Variants in ZHX3 observed in about 807,000 individuals in gnomAD.
ZHX3 encodes zinc fingers and homeoboxes 3, also known as zinc fingers and homeoboxes protein 3.
In ZHX3, 20 loss-of-function variants were observed where a neutral mutation model predicts 64.5. The ratio of observed to expected loss-of-function variants is 0.31; its 90% CI spans 0.22 to 0.45. The LOEUF is 0.45. Ranked by LOEUF, ZHX3 falls within the 20% of genes least tolerant of loss-of-function variation. The probability of loss-of-function intolerance (pLI) is 1.00; values close to 1 mark genes in which losing one functional copy is unlikely to be tolerated. For synonymous variants in ZHX3, 423 were observed against 461.6 expected (o/e 0.92, Z 1.07); for missense variants, 1,041 against 1,195.8 (o/e 0.87, Z 1.91).
intron 2 of ZHX3, among the ~76,000 whole-genome samples, chr20:41,235,843 A>T (rs530213660): frequency 3.2e-4 from 48 of 152,342 alleles, no homozygotes; most frequent in African/African-American, 1.1e-3. Context: ...CCCTGTTTGC[A>T]GATGACATGA....
At chr20:41,287,564 C>T (rs1362937955) in intron 1 of ZHX3, among the ~76,000 whole-genome samples, 3 of 152,182 alleles carry the variant, frequency 2.0e-5, no homozygotes, top group Non-Finnish European at 4.4e-5. Flanking sequence ...GACTTCCATC[C>T]TGGGTTCTGT....
In ZHX3 at chr20:41,184,236, C is replaced by T. The variant is rs1455845005; in HGVS notation, c.*955G>A. 2.0e-5 allele frequency: 3 copies of T among 152,236 alleles called. No individual in the cohort carries two copies. Among genetic ancestry groups the T allele is most frequent in the Non-Finnish European group, 4.4e-5 (3 of 68,120 alleles). 9.4% of individuals were successfully genotyped at this position (152,236 alleles called of 1,614,324 possible). A position where few individuals can be genotyped will look rare whatever the true frequency, so the allele number is the denominator to read the frequency against. ...AGTGTGGAGAAAGGGCTCTGAAAAC[C>T]GCAGTGGTCAAAGCTTCAGGCTGTG... On this transcript the variant is annotated 3_prime_UTR_variant, in exon 4 of 4. Transcript: ENST00000683867.
intron 2 of ZHX3, among the ~76,000 whole-genome samples, chr20:41,208,446 A>C (rs1238381984): frequency 6.6e-6 from 1 of 152,232 alleles, no homozygotes; most frequent in Non-Finnish European, 1.5e-5. Context: ...TCCTCAATAA[A>C]ATACTGGCAA....
intron 2 of ZHX3, among the ~76,000 whole-genome samples, chr20:41,263,308 G>C (rs1210069693): frequency 1.3e-5 from 2 of 151,828 alleles, no homozygotes; most frequent in African/African-American, 4.8e-5. Flanking sequence ...ATAGAGAGCA[G>C]TATTGCTTTC....
intron 1 of ZHX3, among the ~76,000 whole-genome samples, chr20:41,277,931 A>G (rs1211745295): frequency 1.5e-5 from 2 of 135,266 alleles, no homozygotes; most frequent in African/African-American, 5.8e-5. Context: ...TAAATGCAGA[A>G]AGTATAGTGT....
intron 1 of ZHX3, among the ~76,000 whole-genome samples, chr20:41,304,350 G>A (rs1440816337): frequency 6.6e-6 from 1 of 152,022 alleles, no homozygotes; most frequent in East Asian, 1.9e-4. Flanking sequence ...CCACAGTCCA[G>A]ACCACTCATG....
At chr20:41,250,797 A>C (rs2041954132) in intron 2 of ZHX3, among the ~76,000 whole-genome samples, 1 of 152,188 alleles carries the variant, frequency 6.6e-6, no homozygotes, top group African/African-American at 2.4e-5. Context: ...AAGCAGAGAA[A>C]AACAACATAC....
At chr20:41,262,860 GA>G in intron 2 of ZHX3, among the ~76,000 whole-genome samples, 1 of 152,286 alleles carries the variant, frequency 6.6e-6, no homozygotes, top group South Asian at 2.1e-4. Context: ...TAAGGAATAG[GA>G]AGAGAAGATG....
In ZHX3 at chr20:41,232,717, G is replaced by A. The variant is rs1174651456; in HGVS notation, c.-150-27651C>T. On this transcript the variant is annotated intron_variant, in intron 2 of 3. Coordinates refer to ENST00000683867, the MANE Select transcript of ZHX3 (RefSeq NM_001384317.1). This position sits in a 1 kb window ranked among gnomAD's most constrained non-coding sequence, Gnocchi z 5.0. Reference sequence around the variant, plus strand: ...CCATTCTCCTGCCTCAGCCTCCCGCGGGGGACTACAGGCGCCCACCACCTC... The same window carrying A: ...CCATTCTCCTGCCTCAGCCTCCCGCAGGGGACTACAGGCGCCCACCACCTC... 1.3e-5 allele frequency among the ~76,000 whole-genome samples: 2 copies of A among 151,890 alleles called. No individual in the cohort carries two copies. The highest frequency in any genetic ancestry group is 1.5e-5 in the Non-Finnish European group (1 of 67,968).
intron 1 of ZHX3, among the ~76,000 whole-genome samples, chr20:41,277,938 G>C (rs114758891): frequency 1.5e-5 from 2 of 130,766 alleles, no homozygotes; most frequent in African/African-American, 6.3e-5. Flanking sequence ...AGAAAGTATA[G>C]TGTAGGGGAT....
At chr20:41,238,710 A>T (rs1034279055) in intron 2 of ZHX3, 2 of 152,212 alleles carry the variant, frequency 1.3e-5, no homozygotes, top group Non-Finnish European at 2.9e-5. Flanking sequence ...TGCTCACATA[A>T]ATAATCCATT....
Position 41,212,740 on chromosome 20 carries a change from T to G in ZHX3, c.-150-7674A>C, listed in dbSNP as rs2039252378. 6.6e-6 allele frequency among the ~76,000 whole-genome samples: 1 copy of G among 151,150 alleles called. No individual in the cohort carries two copies. Among genetic ancestry groups the G allele is most frequent in the South Asian group, 2.1e-4 (1 of 4,792 alleles). On this transcript the variant is annotated intron_variant, in intron 2 of 3. Coordinates refer to ENST00000683867, the MANE Select transcript of ZHX3 (RefSeq NM_001384317.1). The surrounding 1 kb of genome is among the most constrained non-coding windows in gnomAD (Gnocchi z 4.3). Reference sequence around the variant, plus strand: ...TGAACCTGGGAGGCGGAGGTTGCAGTGAGCCAAGATCATGCCATTGTACTC... The same window carrying G: ...TGAACCTGGGAGGCGGAGGTTGCAGGGAGCCAAGATCATGCCATTGTACTC...
At chr20:41,249,073 T>C (rs762396265) in intron 2 of ZHX3, among the ~76,000 whole-genome samples, 3 of 152,236 alleles carry the variant, frequency 2.0e-5, no homozygotes, top group Non-Finnish European at 4.4e-5. Flanking sequence ...ACTTCCACTA[T>C]ATAGGATTTC....
intron 1 of ZHX3, among the ~76,000 whole-genome samples, chr20:41,294,514 C>T (rs1015211855): frequency 3.3e-5 from 5 of 151,924 alleles, no homozygotes; most frequent in African/African-American, 7.3e-5. Context: ...GGCACCCCCC[C>T]ACCACACCTG....
chr20:41,274,085 G>C (rs2043274402), intron 1 of ZHX3, among the ~76,000 whole-genome samples: 2 of 152,140 alleles, frequency 1.3e-5, no homozygotes, highest in African/African-American at 4.8e-5. Context: ...CCTGGAGTAT[G>C]TCACAAATAT....
At chr20:41,190,835 T>A (rs2036955564) in intron 3 of ZHX3, among the ~76,000 whole-genome samples, 1 of 152,192 alleles carries the variant, frequency 6.6e-6, no homozygotes, top group Non-Finnish European at 1.5e-5. Context: ...TTACTTTTTT[T>A]CCCCTTCAGC....
chr20:41,265,737 A>G (rs2042812355), intron 2 of ZHX3, among the ~76,000 whole-genome samples: 1 of 152,224 alleles, frequency 6.6e-6, no homozygotes, highest in Non-Finnish European at 1.5e-5. Flanking sequence ...GCCCACTACT[A>G]TATACTTAAT....
At chr20:41,248,839 T>C (rs2041845959) in intron 2 of ZHX3, among the ~76,000 whole-genome samples, 1 of 152,220 alleles carries the variant, frequency 6.6e-6, no homozygotes, top group Non-Finnish European at 1.5e-5. Context: ...AGGAATTGGC[T>C]GGGTTCTAAC....
Position 41,201,981 on chromosome 20 carries a change from T to C in ZHX3, c.2860+76A>G, listed in dbSNP as rs2038257485. 1 of 1,475,444 alleles carries C rather than the reference T, an allele frequency of 6.8e-7. No individual in the cohort carries two copies. The highest frequency in any genetic ancestry group is 9.0e-7 in the Non-Finnish European group (1 of 1,112,454). 91.4% of individuals were successfully genotyped at this position (1,475,444 alleles called of 1,614,324 possible). ...AGAGACAGCAGATGCCCCTGTGCAG[T>C]AAATTCAGTGCCCAACCATAAGTGC... On this transcript the variant is annotated intron_variant, in intron 3 of 3. Coordinates refer to ENST00000683867, the MANE Select transcript of ZHX3 (RefSeq NM_001384317.1). This position sits in a 1 kb window ranked among gnomAD's most constrained non-coding sequence, Gnocchi z 5.0.
Sources: gnomAD v4.1 joint callset for allele counts (sites outside exome capture counted in the v4.1 genomes callset) on GRCh38, gnomAD v4.1.1 for gene constraint, Gnocchi (gnomAD v3.1) non-coding constraint, MANE v1.5 for transcripts, NCBI Gene and HGNC (gene_info 2026-07-23, HGNC 2026-07-21) for gene names.